PLCB1: variants seen among roughly 807,000 people sequenced by gnomAD.
PLCB1 encodes the protein 1-phosphatidylinositol 4,5-bisphosphate phosphodiesterase beta-1.
PLCB1 carries 46 observed loss-of-function variants against 161.8 expected under a neutral mutation model. The observed-to-expected ratio is 0.28, with a 90% CI of 0.22 to 0.36. The LOEUF (loss-of-function observed/expected upper bound fraction) is 0.36. Ranked by LOEUF, PLCB1 falls within the 10% of genes least tolerant of loss-of-function variation. The pLI is 1.00. For missense variants in PLCB1, 1,016 were observed against 1,472.5 expected, an observed-to-expected ratio of 0.69 and a Z score of 5.07; for synonymous variants, 517 against 503.7, an observed-to-expected ratio of 1.03 and a Z score of -0.35.
intron 2 of PLCB1, among the ~76,000 whole-genome samples, chr20:8,181,248 C>CAA (rs60871672): frequency 0.023 from 1,878 of 80,994 alleles, 67 homozygotes; most frequent in African/African-American, 0.067. Context: ...GACTCTGTCT[C>CAA]AAAAAAAAAA....
intron 31 of PLCB1, among the ~76,000 whole-genome samples, chr20:8,816,529 G>A (rs6056149): frequency 0.026 from 4,023 of 152,254 alleles, 163 homozygotes; most frequent in African/African-American, 0.092. Flanking sequence ...TATCAAGCCA[G>A]AGAATAGAAC....
chr20:8,815,526 A>C (rs1236532879), intron 31 of PLCB1, among the ~76,000 whole-genome samples: 1 of 152,154 alleles, frequency 6.6e-6, no homozygotes, highest in Non-Finnish European at 1.5e-5. Flanking sequence ...AGATGGTAAG[A>C]GGTGGTGTTG....
intron 10 of PLCB1, among the ~76,000 whole-genome samples, chr20:8,691,358 C>A (rs1346385558): frequency 2.0e-5 from 3 of 151,802 alleles, no homozygotes; most frequent in African/African-American, 7.3e-5. Flanking sequence ...ATTTTCAGAA[C>A]AAGTAAAAAC....
At chr20:8,801,075 C>G (rs1984258249) in intron 31 of PLCB1, among the ~76,000 whole-genome samples, 1 of 152,144 alleles carries the variant, frequency 6.6e-6, no homozygotes, top group Non-Finnish European at 1.5e-5. Context: ...TCCCATAATC[C>G]TCTAAAAGTC....
chr20:8,601,745 T>C (rs376009348), intron 3 of PLCB1, among the ~76,000 whole-genome samples: 1 of 152,108 alleles, frequency 6.6e-6, no homozygotes, highest in Admixed American at 6.5e-5. Context: ...CTGAGCAAGT[T>C]TTCTTTGCAC....
intron 3 of PLCB1, among the ~76,000 whole-genome samples, chr20:8,509,218 T>C (rs1286642000): frequency 1.3e-5 from 2 of 152,172 alleles, no homozygotes; most frequent in Admixed American, 6.5e-5. Context: ...CTTTGTGTTG[T>C]ATGCTACAGA....
chr20:8,194,604 A>C (rs57748803), intron 2 of PLCB1, among the ~76,000 whole-genome samples: 6,802 of 152,136 alleles, frequency 0.045, 206 homozygotes, highest in Middle Eastern at 0.075. Context: ...ATGATGAATA[A>C]TAGAGAAAAA....
intron 2 of PLCB1, among the ~76,000 whole-genome samples, chr20:8,273,520 A>G (rs749510790): frequency 2.0e-5 from 3 of 152,178 alleles, no homozygotes; most frequent in Non-Finnish European, 2.9e-5. Flanking sequence ...GTGATAATAT[A>G]GGCAGGCACT....
At chr20:8,338,042 G>A (rs998009349) in intron 2 of PLCB1, among the ~76,000 whole-genome samples, 6 of 152,146 alleles carry the variant, frequency 3.9e-5, no homozygotes, top group Admixed American at 2.0e-4. Context: ...CAAGACTGTG[G>A]TTCTCAGGAA....
chr20:8,389,604 A>G (rs945788964), intron 3 of PLCB1, among the ~76,000 whole-genome samples: 12 of 152,222 alleles, frequency 7.9e-5, no homozygotes, highest in Admixed American at 7.2e-4. Context: ...TTTGTTCTAC[A>G]TGCAATGGTA....
intron 3 of PLCB1, among the ~76,000 whole-genome samples, chr20:8,473,048 C>T (rs1982123330): frequency 6.6e-6 from 1 of 152,130 alleles, no homozygotes; most frequent in Non-Finnish European, 1.5e-5. Context: ...TATGGACGGT[C>T]ACCAGTGGAA....
intron 23 of PLCB1, among the ~76,000 whole-genome samples, chr20:8,752,541 C>A (rs1361630022): frequency 6.6e-6 from 1 of 151,908 alleles, no homozygotes; most frequent in Non-Finnish European, 1.5e-5. Context: ...TGCCTGTAAT[C>A]CAGCACTTTG....
chr20:8,178,120 C>T (rs1453380739), intron 2 of PLCB1, among the ~76,000 whole-genome samples: 1 of 152,078 alleles, frequency 6.6e-6, no homozygotes, highest in African/African-American at 2.4e-5. Flanking sequence ...AGGTTGGTTT[C>T]ATGTCTTTGT....
chr20:8,440,407 T>G (rs574593058), intron 3 of PLCB1, among the ~76,000 whole-genome samples: 1 of 152,328 alleles, frequency 6.6e-6, no homozygotes, highest in African/African-American at 2.4e-5. Flanking sequence ...CTGTTACAGC[T>G]AGAACATTGA....
chr20:8,646,260 T>C, intron 5 of PLCB1, 79 bp downstream of exon 5: 2 of 943,176 alleles, frequency 2.1e-6, no homozygotes, highest in African/African-American at 3.3e-5. Flanking sequence ...GTCTTCCGTT[T>C]ATGCCATACT....
In PLCB1 at chr20:8,459,918, A is replaced by G. The variant is rs1981500290; in HGVS notation, c.246+88468A>G. ...TTACTGTGTAATATATTTCCCCCAAATGATAAATATCAATATGTGAACACT... is the reference window on the plus strand; with the variant it reads ...TTACTGTGTAATATATTTCCCCCAAGTGATAAATATCAATATGTGAACACT... On this transcript the variant is annotated intron_variant, in intron 3 of 31. Transcript: ENST00000338037. Among the ~76,000 whole-genome samples, 5 of 152,294 alleles carry G rather than the reference A, an allele frequency of 3.3e-5. No individual in the cohort carries two copies. The South Asian group carries it at 1.0e-3, about 32-fold the overall frequency.
At chr20:8,151,300 A>G (rs763379697) in intron 2 of PLCB1, among the ~76,000 whole-genome samples, 8 of 152,204 alleles carry the variant, frequency 5.3e-5, no homozygotes, top group African/African-American at 1.9e-4. Flanking sequence ...AAAACTCTAC[A>G]TTAGTTTCTT....
rs113568208 is a variant in PLCB1, at chr20:8,515,752, T to G, written c.247-112542T>G. ...ACAAACACCCCAAAGCATAGTGGCTTCAGCTAAAAACTGTCTATCATTGCA... is the reference window on the plus strand; with the variant it reads ...ACAAACACCCCAAAGCATAGTGGCTGCAGCTAAAAACTGTCTATCATTGCA... On this transcript the variant is annotated intron_variant, in intron 3 of 31. Coordinates refer to ENST00000338037, the MANE Select transcript of PLCB1 (RefSeq NM_015192.4). 4.9e-3 allele frequency among the ~76,000 whole-genome samples: 753 copies of G among 152,302 alleles called. 6 individuals are homozygous for G. The highest frequency in any genetic ancestry group is 0.017 in the African/African-American group (701 of 41,562).
At chr20:8,547,241 G>A (rs570721406) in intron 3 of PLCB1, among the ~76,000 whole-genome samples, 1 of 152,302 alleles carries the variant, frequency 6.6e-6, no homozygotes, top group Non-Finnish European at 1.5e-5. Context: ...TCGCTCTAAT[G>A]TTCACTGAAG....
Sources: gnomAD v4.1 joint callset for allele counts (sites outside exome capture counted in the v4.1 genomes callset) on GRCh38, gnomAD v4.1.1 for gene constraint, MANE v1.5 for transcripts, NCBI Gene and HGNC (gene_info 2026-07-23, HGNC 2026-07-21) for gene names.